The following EPM2A variants were observed in gnomAD, a reference collection of about 807,000 sequenced individuals.
EPM2A encodes the protein EPM2A glucan phosphatase, laforin.
In EPM2A, 21 loss-of-function variants were observed where a neutral mutation model predicts 26.5. That is an observed-to-expected ratio of 0.79 (90% CI 0.56 to 1.14). EPM2A has a LOEUF of 1.14. EPM2A is among the 50% of genes most tolerant of loss of function. The pLI, the probability that EPM2A is intolerant of heterozygous loss-of-function variation, is 0.00. For synonymous variants in EPM2A, 217 were observed against 177.6 expected (o/e 1.22, Z -1.76); for missense variants, 458 against 440.8 (o/e 1.04, Z -0.35).
At chr6:145,494,103 T>G (rs1007124686) in intron 4 of EPM2A, among the ~76,000 whole-genome samples, 6 of 152,170 alleles carry the variant, frequency 3.9e-5, no homozygotes, top group Non-Finnish European at 5.9e-5. Flanking sequence ...GCTGACAATC[T>G]GTCTGGTCGT....
At chr6:145,697,514 G>A (rs1781669821) in intron 1 of EPM2A, among the ~76,000 whole-genome samples, 1 of 152,102 alleles carries the variant, frequency 6.6e-6, no homozygotes, top group Non-Finnish European at 1.5e-5. Flanking sequence ...AAATTTATTA[G>A]GCGGGAATTT....
At chr6:145,733,181 T>C (rs766550209) in intron 1 of EPM2A, among the ~76,000 whole-genome samples, 1 of 152,208 alleles carries the variant, frequency 6.6e-6, no homozygotes, top group Non-Finnish European at 1.5e-5. Flanking sequence ...TGTAATATTT[T>C]TCTTATCCTC....
chr6:145,466,010 G>C (rs201831274), intron 4 of EPM2A, among the ~76,000 whole-genome samples: 67,487 of 151,596 alleles, frequency 0.45, 15,753 homozygotes, highest in Non-Finnish European at 0.52. Flanking sequence ...AAGACTTAAA[G>C]GTTAGACCTA....
chr6:145,719,410 G>C (rs1489210838), intron 1 of EPM2A, among the ~76,000 whole-genome samples: 1 of 146,406 alleles, frequency 6.8e-6, no homozygotes, highest in Non-Finnish European at 1.5e-5. Flanking sequence ...CTCATAGGTG[G>C]AAATTGAACA....
At chr6:145,665,644 A>C (rs1779119007) in intron 2 of EPM2A, among the ~76,000 whole-genome samples, 2 of 147,052 alleles carry the variant, frequency 1.4e-5, no homozygotes, top group South Asian at 4.5e-4. Flanking sequence ...AAAAGAGGGA[A>C]TCCTCCCTAA....
At chr6:145,549,152 G>T (rs1399701495) in intron 2 of EPM2A, among the ~76,000 whole-genome samples, 2 of 151,998 alleles carry the variant, frequency 1.3e-5, no homozygotes, top group African/African-American at 4.8e-5. Flanking sequence ...TCAGCAAGAG[G>T]CCAAAGCCCC....
rs1373886761 is a variant in EPM2A at position 145,735,376 on chromosome 6, CCTCAGGCGGACGG to C, written c.110_122del (p.Ala37GlyfsTer49). 2 of 1,238,458 alleles carry C rather than the reference CCTCAGGCGGACGG, an allele frequency of 1.6e-6. No individual in the cohort carries two copies. The highest frequency in any genetic ancestry group is 3.2e-5 in the African/African-American group (2 of 62,546). The allele number at this position is 1,238,458 out of a possible 1,614,324, so 76.7% of individuals were successfully genotyped here. ...CGTCGCCCGCCGCGGTGCCGGCCGG[CCTCAGGCGGACGG>C]CACCGCGCGGCTCCCAACGCCCCAG... is the stretch of plus-strand genomic sequence containing the variant. On this transcript the variant is annotated frameshift_variant, in exon 1 of 4. Coordinates refer to ENST00000367519, the MANE Select transcript of EPM2A (RefSeq NM_005670.4). LOFTEE classifies it high-confidence loss of function.
intron 2 of EPM2A, among the ~76,000 whole-genome samples, chr6:145,565,521 C>T (rs1780873551): frequency 1.3e-5 from 2 of 152,222 alleles, no homozygotes; most frequent in Admixed American, 1.3e-4. Context: ...GCTTCTCTGC[C>T]TCACAGCACC....
intron 1 of EPM2A, among the ~76,000 whole-genome samples, chr6:145,726,732 T>G (rs1369172187): frequency 6.6e-6 from 1 of 152,076 alleles, no homozygotes; most frequent in Admixed American, 6.6e-5. Flanking sequence ...TGAATACTAT[T>G]CAAAACTTTT....
At chr6:145,442,424 G>T (rs1178452241) in intron 4 of EPM2A, among the ~76,000 whole-genome samples, 1 of 152,170 alleles carries the variant, frequency 6.6e-6, no homozygotes, top group Non-Finnish European at 1.5e-5. Flanking sequence ...TCACAATCAT[G>T]GTGGAAGGTG....
At chr6:145,549,549 C>T (rs1780626770) in intron 2 of EPM2A, among the ~76,000 whole-genome samples, 1 of 152,102 alleles carries the variant, frequency 6.6e-6, no homozygotes, top group Non-Finnish European at 1.5e-5. Flanking sequence ...TAAATTGTCA[C>T]ACTTCTTAGT....
chr6:145,660,660 G>A (rs961162795), intron 2 of EPM2A, among the ~76,000 whole-genome samples: 3 of 152,052 alleles, frequency 2.0e-5, no homozygotes, highest in African/African-American at 7.2e-5. Flanking sequence ...AAATTAGCTG[G>A]GCATGGTGGC....
intron 1 of EPM2A, among the ~76,000 whole-genome samples, chr6:145,726,720 GATGA>G (rs930463488): frequency 1.2e-4 from 19 of 152,068 alleles, no homozygotes; most frequent in African/African-American, 4.6e-4. Context: ...CAAAATACCT[GATGA>G]ATACTATTCA....
At chr6:145,421,723 T>C (rs976031386) in intron 4 of EPM2A, among the ~76,000 whole-genome samples, 4 of 151,890 alleles carry the variant, frequency 2.6e-5, no homozygotes, top group African/African-American at 9.7e-5. Flanking sequence ...AAAGATAATA[T>C]GTGATTTGGA....
chr6:145,491,125 G>A (rs1779749009), intron 4 of EPM2A: 2 of 585,178 alleles, frequency 3.4e-6, no homozygotes, highest in African/African-American at 3.8e-5. Flanking sequence ...TTTTCTTGTG[G>A]TATTTTCCTC....
intron 1 of EPM2A, among the ~76,000 whole-genome samples, chr6:145,705,328 T>TAGATAC (rs918654963): frequency 6.6e-6 from 1 of 152,024 alleles, no homozygotes; most frequent in Admixed American, 6.6e-5. Flanking sequence ...TATATAGATA[T>TAGATAC]AGATACAGAT....
Position 145,449,024 on chromosome 6 carries a change from T to C in EPM2A, c.555+53498A>G, listed in dbSNP as rs556862747. Among the ~76,000 whole-genome samples the C allele has an allele frequency of 7.9e-5, 12 of 152,324 alleles. No individual in the cohort carries two copies. In the East Asian group the frequency reaches 1.5e-3, roughly 20 times the overall value. ...GGATGTGCTTCATATCTATTTTCTT[T>C]GTGATATTTTGTTTTATGTGAGAAG... On this transcript the variant is annotated intron_variant, in intron 4 of 4. Transcript: ENST00000638717.
At chr6:145,459,354 G>A (rs915403958) in intron 4 of EPM2A, among the ~76,000 whole-genome samples, 7 of 152,182 alleles carry the variant, frequency 4.6e-5, no homozygotes, top group Non-Finnish European at 8.8e-5. Flanking sequence ...ACAATGCTCA[G>A]AATGGATGCC....
chr6:145,554,211 T>A (rs1357348512), intron 2 of EPM2A, among the ~76,000 whole-genome samples: 1 of 151,930 alleles, frequency 6.6e-6, no homozygotes, highest in Admixed American at 6.6e-5. Context: ...AAGTACAGAA[T>A]GACACTTTCT....
Sources: gnomAD v4.1 joint callset for allele counts (sites outside exome capture counted in the v4.1 genomes callset) on GRCh38, gnomAD v4.1.1 for gene constraint, MANE v1.5 for transcripts, NCBI Gene and HGNC (gene_info 2026-07-23, HGNC 2026-07-21) for gene names.